The following TCF4 variants were observed in gnomAD, a reference collection of about 807,000 sequenced individuals.
TCF4 encodes the protein transcription factor 4, also known as SL3-3 enhancer factor 2.
In TCF4, 3 loss-of-function variants were observed where a neutral mutation model predicts 82.1. The observed-to-expected ratio is 0.04, with a 90% CI of 0.02 to 0.09. TCF4 has a LOEUF of 0.09. Ranked by LOEUF, TCF4 falls within the 10% of genes least tolerant of loss-of-function variation. The pLI is 1.00. For missense variants in TCF4, 518 were observed against 852.7 expected (o/e 0.61, Z 4.89); for synonymous variants, 276 against 309.6 (o/e 0.89, Z 1.14).
intron 3 of TCF4, among the ~76,000 whole-genome samples, chr18:55,488,126 T>C (rs922888151): frequency 3.3e-5 from 5 of 152,214 alleles, no homozygotes; most frequent in African/African-American, 1.2e-4. Flanking sequence ...TTTATACTTA[T>C]AACAGAAACC....
intron 3 of TCF4, among the ~76,000 whole-genome samples, chr18:55,585,073 T>C (rs1489239252): frequency 6.6e-6 from 1 of 152,316 alleles, no homozygotes; most frequent in Admixed American, 6.5e-5. Context: ...GAGAGTTTCC[T>C]TGACTTAAAA....
At chr18:55,387,848 T>C (rs2092725087) in intron 6 of TCF4, among the ~76,000 whole-genome samples, 1 of 152,228 alleles carries the variant, frequency 6.6e-6, no homozygotes, top group African/African-American at 2.4e-5. Context: ...ATGGTCTAGG[T>C]GACCTTTTGC....
chr18:55,428,878 G>C (rs2095084963), intron 5 of TCF4, among the ~76,000 whole-genome samples: 1 of 152,154 alleles, frequency 6.6e-6, no homozygotes, highest in Non-Finnish European at 1.5e-5. Flanking sequence ...TTACTGGAGA[G>C]AGATTTTGGT....
At chr18:55,408,373 T>C (rs1184365236) in intron 5 of TCF4, among the ~76,000 whole-genome samples, 1 of 152,146 alleles carries the variant, frequency 6.6e-6, no homozygotes, top group Non-Finnish European at 1.5e-5. Context: ...ATCATAAACA[T>C]GTTTGACTCA....
intron 11 of TCF4, chr18:55,269,586 C>A (rs2059910720): frequency 1.9e-6 from 1 of 530,618 alleles, no homozygotes; most frequent in South Asian, 2.0e-5. Flanking sequence ...TCTGTTTGAA[C>A]CCTTGTTCAA....
intron 5 of TCF4, among the ~76,000 whole-genome samples, chr18:55,410,841 C>T (rs545302154): frequency 2.0e-5 from 3 of 152,226 alleles, no homozygotes; most frequent in Admixed American, 6.5e-5. Context: ...ATGTCCGAAT[C>T]GATAAGCATT....
chr18:55,228,404 C>T (rs2046936948), intron 18 of TCF4, 43 bp from the exon 19 acceptor site: 1 of 1,610,076 alleles, frequency 6.2e-7, no homozygotes, highest in African/African-American at 1.3e-5. Flanking sequence ...AATGCTGAGG[C>T]TTCTGGCAGA....
At chr18:55,561,946 T>C (rs144137681) in intron 3 of TCF4, among the ~76,000 whole-genome samples, 11 of 152,332 alleles carry the variant, frequency 7.2e-5, no homozygotes, top group African/African-American at 2.4e-4. Context: ...TTAAAGTATA[T>C]TGTCCAAGAT....
chr18:55,399,511 G>T (rs948097573), intron 6 of TCF4, among the ~76,000 whole-genome samples: 5 of 152,156 alleles, frequency 3.3e-5, no homozygotes, highest in Admixed American at 3.3e-4. Context: ...CAAGATATGG[G>T]CTGGGACATT....
At chr18:55,311,799 C>T (rs1460925494) in intron 8 of TCF4, among the ~76,000 whole-genome samples, 1 of 152,148 alleles carries the variant, frequency 6.6e-6, no homozygotes, top group African/African-American at 2.4e-5. Flanking sequence ...ATGTTCTGAA[C>T]TACATGCAAT....
intron 3 of TCF4, chr18:55,550,356 T>C (rs768124874): frequency 2.8e-4 from 42 of 152,250 alleles, no homozygotes; most frequent in Non-Finnish European, 1.6e-4. Flanking sequence ...ACATTTAGTA[T>C]AACATGGGCC....
At chr18:55,449,860 G>A (rs1555656422) in intron 5 of TCF4, among the ~76,000 whole-genome samples, 2 of 151,840 alleles carry the variant, frequency 1.3e-5, no homozygotes, top group Non-Finnish European at 1.5e-5. Flanking sequence ...GGCCCACGAG[G>A]GGGTGGCATT....
intron 3 of TCF4, among the ~76,000 whole-genome samples, chr18:55,511,517 G>A (rs1262878368): frequency 1.3e-5 from 2 of 151,910 alleles, no homozygotes; most frequent in Non-Finnish European, 2.9e-5. Context: ...TATTTTACTG[G>A]ATATACAAAT....
intron 3 of TCF4, among the ~76,000 whole-genome samples, chr18:55,517,835 T>C (rs1322247968): frequency 6.6e-6 from 1 of 152,140 alleles, no homozygotes; most frequent in Non-Finnish European, 1.5e-5. Flanking sequence ...GCAGCTCCAA[T>C]CAGGGAAGTG....
At chr18:55,515,634 T>C (rs1261081547) in intron 3 of TCF4, among the ~76,000 whole-genome samples, 1 of 152,028 alleles carries the variant, frequency 6.6e-6, no homozygotes, top group Middle Eastern at 3.2e-3. Flanking sequence ...GGTAAAGCAG[T>C]AGAAAGGTCA....
intron 6 of TCF4, among the ~76,000 whole-genome samples, chr18:55,371,084 A>G (rs2089000643): frequency 6.6e-6 from 1 of 152,226 alleles, no homozygotes; most frequent in Non-Finnish European, 1.5e-5. Context: ...GCTGTATCAA[A>G]GCTTAGACAT....
intron 6 of TCF4, among the ~76,000 whole-genome samples, chr18:55,383,506 G>A (rs2092252162): frequency 6.6e-6 from 1 of 152,136 alleles, no homozygotes. Flanking sequence ...TCTGCATATT[G>A]TACCAATCCC....
At chr18:55,332,524 CTG>C (rs1251963512) in intron 8 of TCF4, among the ~76,000 whole-genome samples, 2 of 152,264 alleles carry the variant, frequency 1.3e-5, no homozygotes, top group Middle Eastern at 3.4e-3. Flanking sequence ...CATATAAGCT[CTG>C]TGTTTATTAG....
chr18:55,530,549 G>A lies in TCF4; in HGVS notation c.145+54731C>T, dbSNP rs115350979. On this transcript the variant is annotated intron_variant, in intron 3 of 19. Coordinates refer to ENST00000354452, the MANE Select transcript of TCF4 (RefSeq NM_001083962.2). ...ATGCGGGGGCTCTGAAGGAGGGGAG[G>A]TGGCCCTGAAAAGGGGGGGGGAAAC... 8.3e-3 allele frequency among the ~76,000 whole-genome samples: 984 copies of A among 118,010 alleles called. 12 individuals carry two copies. The highest frequency in any genetic ancestry group is 0.029 in the African/African-American group (916 of 31,804). The allele number at this position is 118,010 out of a possible 152,430, so 77.4% of individuals were successfully genotyped here. A position where few individuals can be genotyped will look rare whatever the true frequency, so the allele number is the denominator to read the frequency against.
Sources: allele counts gnomAD v4.1 joint callset (sites outside exome capture counted in the v4.1 genomes callset), GRCh38; gene constraint gnomAD v4.1.1; transcripts MANE v1.5; gene names NCBI Gene and HGNC (gene_info 2026-07-23, HGNC 2026-07-21).